PDE1A: variants seen among roughly 807,000 people sequenced by gnomAD.
PDE1A encodes the protein phosphodiesterase 1A.
PDE1A carries 35 observed loss-of-function variants against 61.7 expected under a neutral mutation model. The ratio of observed to expected loss-of-function variants is 0.57; its 90% confidence interval spans 0.43 to 0.75. The LOEUF (loss-of-function observed/expected upper bound fraction) is 0.75. Ranked by LOEUF, PDE1A falls within the 30% of genes least tolerant of loss-of-function variation. The pLI is 0.00. For synonymous variants in PDE1A, 232 were observed against 213.2 expected, an observed-to-expected ratio of 1.09 and a Z score of -0.77; for missense variants, 597 against 630.6, an observed-to-expected ratio of 0.95 and a Z score of 0.57.
chr2:182,307,931 C>A (rs1204752955), intron 1 of PDE1A, among the ~76,000 whole-genome samples: 1 of 151,630 alleles, frequency 6.6e-6, no homozygotes, highest in African/African-American at 2.4e-5. Context: ...GAAAAGAGAA[C>A]CCTTGTACAC....
chr2:182,484,504 T>C (rs1347930584), intron 2 of PDE1A, among the ~76,000 whole-genome samples: 2 of 151,850 alleles, frequency 1.3e-5, no homozygotes, highest in Admixed American at 1.3e-4. Flanking sequence ...AAAACAAAAA[T>C]TGACAAGTGG....
At chr2:182,369,914 C>G (rs1432495224) in intron 1 of PDE1A, among the ~76,000 whole-genome samples, 1 of 152,192 alleles carries the variant, frequency 6.6e-6, no homozygotes, top group Admixed American at 6.5e-5. Flanking sequence ...GTGGCTCACG[C>G]CTGTAATCCC....
chr2:182,494,298 C>CCAAA (rs1688575873), intron 2 of PDE1A, among the ~76,000 whole-genome samples: 1 of 146,976 alleles, frequency 6.8e-6, no homozygotes, highest in South Asian at 2.1e-4. Context: ...TTGGATTCTA[C>CCAAA]AAAAAAAAAA....
chr2:182,580,584 G>A, the PDE1A span, among the ~76,000 whole-genome samples: 1 of 152,106 alleles, frequency 6.6e-6, no homozygotes, highest in South Asian at 2.1e-4. Flanking sequence ...GGAGAGCCAG[G>A]GGAAACAGTT....
chr2:182,200,936 C>G (rs1053486746), intron 10 of PDE1A, among the ~76,000 whole-genome samples: 1 of 152,162 alleles, frequency 6.6e-6, no homozygotes, highest in African/African-American at 2.4e-5. Flanking sequence ...TGGCAGAGAA[C>G]GCCAGTCACA....
chr2:182,599,722 T>C, the PDE1A span, among the ~76,000 whole-genome samples: 16 of 152,242 alleles, frequency 1.1e-4, no homozygotes, highest in South Asian at 2.1e-4. Context: ...AAAAAATTAT[T>C]TGTTGCCTAT....
chr2:182,566,047 T>G, the PDE1A span, among the ~76,000 whole-genome samples: 1 of 152,154 alleles, frequency 6.6e-6, no homozygotes, highest in South Asian at 2.1e-4. Flanking sequence ...GCTCAGTGAT[T>G]TGAATGAAAT....
the PDE1A span, among the ~76,000 whole-genome samples, chr2:182,684,123 C>CAAAAAAAAAAAA: frequency 1.9e-5 from 1 of 52,064 alleles, no homozygotes; most frequent in African/African-American, 7.3e-5. Context: ...AACTCCATCT[C>CAAAAAAAAAAAA]AAAAAAAAAA....
the PDE1A span, among the ~76,000 whole-genome samples, chr2:182,633,495 T>G: frequency 2.6e-5 from 4 of 152,166 alleles, no homozygotes; most frequent in African/African-American, 9.7e-5. Flanking sequence ...ACTTGGAATA[T>G]TCTTAATATT....
chr2:182,688,868 G>C, the PDE1A span, among the ~76,000 whole-genome samples: 1 of 152,036 alleles, frequency 6.6e-6, no homozygotes, highest in Non-Finnish European at 1.5e-5. Flanking sequence ...AAAAAGGCAG[G>C]GGTTGCAATC....
chr2:182,438,059 T>A (rs906821198), intron 2 of PDE1A, among the ~76,000 whole-genome samples: 1 of 151,818 alleles, frequency 6.6e-6, no homozygotes, highest in African/African-American at 2.4e-5. Context: ...TCTGAAGGGA[T>A]TTTCAAGGTC....
chr2:182,699,981 A>G, the PDE1A span, among the ~76,000 whole-genome samples: 2 of 152,128 alleles, frequency 1.3e-5, no homozygotes, highest in Non-Finnish European at 2.9e-5. Context: ...TACTGGTGCT[A>G]CTGTCATCTA....
At chr2:182,162,118 G>A (rs1451696903) in intron 13 of PDE1A, among the ~76,000 whole-genome samples, 1 of 152,186 alleles carries the variant, frequency 6.6e-6, no homozygotes, top group Admixed American at 6.5e-5. Flanking sequence ...AAATTTGTGA[G>A]GGGAGCACCA....
chr2:182,654,259 A>G, the PDE1A span, among the ~76,000 whole-genome samples: 1 of 152,232 alleles, frequency 6.6e-6, no homozygotes, highest in Non-Finnish European at 1.5e-5. Flanking sequence ...AGTTTGTGGT[A>G]GTCCACCACC....
At chr2:182,329,454 A>T (rs1697260877) in intron 1 of PDE1A, among the ~76,000 whole-genome samples, 1 of 152,052 alleles carries the variant, frequency 6.6e-6, no homozygotes, top group Non-Finnish European at 1.5e-5. Context: ...CAATGGGGCA[A>T]TCTCGACTCA....
chr2:182,511,089 G>A (rs538570680), intron 2 of PDE1A, among the ~76,000 whole-genome samples: 2 of 152,206 alleles, frequency 1.3e-5, no homozygotes, highest in African/African-American at 4.8e-5. Flanking sequence ...TAATTTGTGT[G>A]TCAACTTAAT....
In PDE1A at chr2:182,447,878, G is replaced by A. The variant is rs970842138; in HGVS notation, c.101+74398C>T. Among the ~76,000 whole-genome samples, 15 of 152,122 alleles carry A rather than the reference G, an allele frequency of 9.9e-5. No individual in the cohort carries two copies. The South Asian group carries it at 1.5e-3, about 15-fold the overall frequency. ...GCCTAAACTGTTTAAACAGGCTTGC[G>A]TTTCAGAGTTTCATCCATAGCCTGT... On this transcript the variant is annotated intron_variant, in intron 2 of 14. Coordinates refer to the PDE1A transcript ENST00000410103.
At chr2:182,355,083 A>G (rs950641748) in intron 1 of PDE1A, among the ~76,000 whole-genome samples, 5 of 152,088 alleles carry the variant, frequency 3.3e-5, no homozygotes, top group African/African-American at 1.2e-4. Flanking sequence ...AGATAAGTTG[A>G]GGCTTTGTAT....
chr2:182,522,656 A>G, intron 1 of PDE1A: 10 of 1,168,714 alleles, frequency 8.6e-6, no homozygotes, highest in Non-Finnish European at 1.1e-5. Flanking sequence ...CTGCTACTGT[A>G]CTACTGACCG....
Sources: allele counts gnomAD v4.1 joint callset (sites outside exome capture counted in the v4.1 genomes callset), GRCh38; gene constraint gnomAD v4.1.1; transcripts MANE v1.5; gene names NCBI Gene and HGNC (gene_info 2026-07-23, HGNC 2026-07-21).